Variants in LRP1B observed in about 807,000 individuals in gnomAD.
The protein encoded by LRP1B is LDL receptor related protein 1B.
A neutral mutation model predicts 556.6 loss-of-function variants in LRP1B; 217 were observed. The ratio of observed to expected loss-of-function variants is 0.39; its 90% confidence interval spans 0.35 to 0.44. The LOEUF (loss-of-function observed/expected upper bound fraction) is 0.44, where lower values mean the gene tolerates loss of function less well. LRP1B is among the 20% of genes least tolerant of loss of function. LRP1B has a pLI of 1.00. For missense variants in LRP1B, 5,053 were observed against 5,620.8 expected (o/e 0.90, Z 3.23); for synonymous variants, 2,047 against 1,865.8 (o/e 1.10, Z -2.50).
At chr2:141,249,006 T>A (rs771922935) in intron 4 of LRP1B, among the ~76,000 whole-genome samples, 24 of 152,234 alleles carry the variant, frequency 1.6e-4, no homozygotes, top group Middle Eastern at 3.4e-3. Context: ...ATAGAGGATG[T>A]AAGAAGTATA....
At chr2:141,178,380 G>A (rs1208449799) in intron 7 of LRP1B, among the ~76,000 whole-genome samples, 2 of 152,126 alleles carry the variant, frequency 1.3e-5, no homozygotes, top group East Asian at 1.9e-4. Context: ...GCCACTGTGA[G>A]TTTCCCAGTC....
At chr2:141,209,671 A>T (rs1682456980) in intron 6 of LRP1B, among the ~76,000 whole-genome samples, 1 of 152,196 alleles carries the variant, frequency 6.6e-6, no homozygotes, top group South Asian at 2.1e-4. Flanking sequence ...TGTCTTTCAG[A>T]AATGGTGTCC....
intron 2 of LRP1B, among the ~76,000 whole-genome samples, chr2:141,736,137 C>T (rs1239646329): frequency 6.6e-6 from 1 of 151,932 alleles, no homozygotes; most frequent in African/African-American, 2.4e-5. Context: ...AACGGCAGAC[C>T]CTTGGAAACC....
chr2:140,516,766 T>C (rs1241325409), intron 50 of LRP1B, 123 bp downstream of exon 50: 3 of 902,526 alleles, frequency 3.3e-6, no homozygotes, highest in Non-Finnish European at 5.0e-6. Context: ...TATTATTTAA[T>C]AAAAATGAAA....
chr2:141,499,026 A>G (rs927503848), intron 2 of LRP1B, among the ~76,000 whole-genome samples: 1 of 151,974 alleles, frequency 6.6e-6, no homozygotes, highest in African/African-American at 2.4e-5. Flanking sequence ...TAATGTCTCT[A>G]CTCTGATCTG....
intron 18 of LRP1B, among the ~76,000 whole-genome samples, chr2:140,971,894 C>T (rs981532388): frequency 6.6e-6 from 1 of 152,182 alleles, no homozygotes; most frequent in Admixed American, 6.5e-5. Flanking sequence ...TGGACTCCAT[C>T]CAAGACCTAC....
intron 6 of LRP1B, among the ~76,000 whole-genome samples, chr2:141,207,822 C>T (rs1162570818): frequency 3.3e-5 from 5 of 152,074 alleles, no homozygotes; most frequent in Non-Finnish European, 7.4e-5. Context: ...ATTACAGGCA[C>T]CCGCCACCAC....
chr2:140,755,275 G>C (rs1177970008), intron 35 of LRP1B, among the ~76,000 whole-genome samples: 1 of 151,948 alleles, frequency 6.6e-6, no homozygotes, highest in Non-Finnish European at 1.5e-5. Flanking sequence ...ATCCTTCCAA[G>C]AACCAGATTA....
At chr2:142,093,075 C>T (rs1296104802) in intron 1 of LRP1B, among the ~76,000 whole-genome samples, 1 of 152,076 alleles carries the variant, frequency 6.6e-6, no homozygotes, top group Non-Finnish European at 1.5e-5. Context: ...GGTACTTTCA[C>T]ATTCTATAAG....
intron 1 of LRP1B, among the ~76,000 whole-genome samples, chr2:141,912,533 C>A (rs1406868960): frequency 6.6e-6 from 1 of 152,042 alleles, no homozygotes; most frequent in Non-Finnish European, 1.5e-5. Flanking sequence ...TAGGAAACAT[C>A]AATAGAAAAA....
intron 41 of LRP1B, among the ~76,000 whole-genome samples, chr2:140,699,690 A>G (rs954921096): frequency 6.6e-6 from 1 of 150,954 alleles, no homozygotes; most frequent in African/African-American, 2.4e-5. Flanking sequence ...CTCACTGAAC[A>G]CTATGCTTGA....
At chr2:141,394,050 A>T (rs1209626177) in intron 3 of LRP1B, among the ~76,000 whole-genome samples, 1 of 152,168 alleles carries the variant, frequency 6.6e-6, no homozygotes, top group Non-Finnish European at 1.5e-5. Flanking sequence ...GGTTGGGTAT[A>T]CTATGTCCCT....
At chr2:141,642,289 A>G (rs1275219921) in intron 2 of LRP1B, among the ~76,000 whole-genome samples, 2 of 152,148 alleles carry the variant, frequency 1.3e-5, no homozygotes, top group African/African-American at 4.8e-5. Context: ...CTGTTTCCTC[A>G]TTTAAATATG....
rs922421751 is a variant in LRP1B, at chr2:141,116,207, GTTA to G, written c.1014-53937_1014-53935del. Reference sequence around the variant, plus strand: ...ATACTCTAGCCTATTACAGTGATTTGTTATTATATTAAAATCTGTAACAATTAT... The same window carrying G: ...ATACTCTAGCCTATTACAGTGATTTGTTATATTAAAATCTGTAACAATTAT... On this transcript the variant is annotated intron_variant, in intron 7 of 90. Transcript: ENST00000389484. Among the ~76,000 whole-genome samples, 11 of 152,056 alleles carry G rather than the reference GTTA, an allele frequency of 7.2e-5. No homozygotes were observed. In the East Asian group the frequency reaches 1.7e-3, roughly 24 times the overall value.
At chr2:141,381,903 C>T (rs1689656342) in intron 3 of LRP1B, among the ~76,000 whole-genome samples, 1 of 151,808 alleles carries the variant, frequency 6.6e-6, no homozygotes, top group Non-Finnish European at 1.5e-5. Context: ...AGACTAAAGT[C>T]TCTTTGTGGG....
chr2:141,222,155 TAAGG>T (rs1295252120), intron 6 of LRP1B, among the ~76,000 whole-genome samples: 1 of 151,838 alleles, frequency 6.6e-6, no homozygotes, highest in Non-Finnish European at 1.5e-5. Context: ...ACTAGACTAA[TAAGG>T]AAGAAAAGAG....
chr2:140,435,313 T>A (rs1418869631), intron 66 of LRP1B, among the ~76,000 whole-genome samples: 2 of 152,190 alleles, frequency 1.3e-5, no homozygotes, highest in East Asian at 3.9e-4. Flanking sequence ...ACTAGTTTTG[T>A]ATATATGTAG....
chr2:140,428,779 T>C (rs1331280684), intron 66 of LRP1B, among the ~76,000 whole-genome samples: 1 of 152,164 alleles, frequency 6.6e-6, no homozygotes, highest in Admixed American at 6.5e-5. Context: ...ATAACTGTTG[T>C]GCGTATTGAC....
chr2:142,129,913 C>T (rs993852649), intron 1 of LRP1B, among the ~76,000 whole-genome samples: 1 of 152,074 alleles, frequency 6.6e-6, no homozygotes, highest in African/African-American at 2.4e-5. Flanking sequence ...TCCCCATATC[C>T]ATTCCCTTCT....
Sources: allele counts gnomAD v4.1 joint callset (sites outside exome capture counted in the v4.1 genomes callset), GRCh38; gene constraint gnomAD v4.1.1; transcripts MANE v1.5; gene names NCBI Gene and HGNC (gene_info 2026-07-23, HGNC 2026-07-21).